Variants in CLYBL observed in about 807,000 individuals in gnomAD.
CLYBL encodes the protein citramalyl-CoA lyase, mitochondrial.
In CLYBL, 31 loss-of-function variants were observed where a neutral mutation model predicts 38.9. That is an observed-to-expected ratio of 0.80 (90% CI 0.60 to 1.08). CLYBL has a LOEUF of 1.08. CLYBL is among the 50% of genes least tolerant of loss of function. CLYBL has a pLI of 0.00. For synonymous variants in CLYBL, 171 were observed against 158.6 expected, an observed-to-expected ratio of 1.08 and a Z score of -0.59; for missense variants, 434 against 411.6, an observed-to-expected ratio of 1.05 and a Z score of -0.47.
intron 2 of CLYBL, among the ~76,000 whole-genome samples, chr13:99,802,077 T>A (rs1460151584): frequency 6.6e-6 from 1 of 152,144 alleles, no homozygotes; most frequent in Non-Finnish European, 1.5e-5. Context: ...TTTTTTTTAG[T>A]CCCTTTGGGC....
intron 2 of CLYBL, among the ~76,000 whole-genome samples, chr13:99,850,200 G>A (rs1488610517): frequency 1.3e-5 from 2 of 152,162 alleles, no homozygotes; most frequent in Admixed American, 6.5e-5. Flanking sequence ...TCAAGAAAAT[G>A]AAAAGATAGC....
chr13:99,643,025 A>G (rs577171163), intron 1 of CLYBL: 1 of 153,980 alleles, frequency 6.5e-6, no homozygotes, highest in Admixed American at 6.5e-5. Context: ...GGCCTGCATG[A>G]GGACTTTACT....
At position 99,758,057 on chromosome 13, in the gene CLYBL, C is replaced by T. The variant is rs536503429; in HGVS notation, c.63-14767C>T. Among the ~76,000 whole-genome samples, 46 of 152,340 alleles carry T rather than the reference C, an allele frequency of 3.0e-4. 1 individual carries two copies. Among genetic ancestry groups the T allele is most frequent in the Middle Eastern group, 6.8e-3 (2 of 294 alleles). ...GAGCAATGGTGCTGACCTGCAGCAACAGCTCACTTAAGTGGCAAGGACCTA... is the reference window on the plus strand; with the variant it reads ...GAGCAATGGTGCTGACCTGCAGCAATAGCTCACTTAAGTGGCAAGGACCTA... On this transcript the variant is annotated intron_variant, in intron 1 of 8. Coordinates refer to ENST00000339105, the MANE Select transcript of CLYBL (RefSeq NM_206808.5).
chr13:99,607,971 T>TG (rs750877780), intron 1 of CLYBL, among the ~76,000 whole-genome samples: 3 of 151,814 alleles, frequency 2.0e-5, no homozygotes, highest in Non-Finnish European at 4.4e-5. Context: ...CTCGAACTCC[T>TG]GACCTCAAGG....
intron 1 of CLYBL, among the ~76,000 whole-genome samples, chr13:99,715,103 C>T (rs1260114321): frequency 1.3e-5 from 2 of 152,186 alleles, no homozygotes; most frequent in Admixed American, 6.5e-5. Flanking sequence ...TAGGCTTGTT[C>T]TCCTGGGCTC....
intron 6 of CLYBL, among the ~76,000 whole-genome samples, chr13:99,866,664 A>G: frequency 6.9e-6 from 1 of 144,268 alleles, no homozygotes; most frequent in East Asian, 2.1e-4. Flanking sequence ...CCATCCTCTT[A>G]ATCATTTTGT....
chr13:99,697,073 T>C (rs1188385343), intron 1 of CLYBL, among the ~76,000 whole-genome samples: 1 of 152,172 alleles, frequency 6.6e-6, no homozygotes, highest in African/African-American at 2.4e-5. Flanking sequence ...CCTCTTAGCT[T>C]CTTTATTATT....
At chr13:99,893,611 A>G (rs1478260922), downstream of CLYBL, 1 of 152,392 alleles carries the variant, frequency 6.6e-6, no homozygotes, top group Non-Finnish European at 1.5e-5. Context: ...AGCCTAATCC[A>G]AAGAAGCCCT....
At chr13:99,708,954 G>C (rs765174890) in intron 1 of CLYBL, among the ~76,000 whole-genome samples, 8 of 151,980 alleles carry the variant, frequency 5.3e-5, no homozygotes, top group Non-Finnish European at 1.0e-4. Flanking sequence ...TTAGCCGGGC[G>C]TGGTGGCAGG....
intron 7 of CLYBL, chr13:99,877,483 T>C: frequency 3.3e-6 from 1 of 305,848 alleles, no homozygotes; most frequent in Admixed American, 4.7e-5. Context: ...CCTCACCTTC[T>C]TTCCTGTAGC....
chr13:99,900,747 G>T (rs1248230511), downstream of CLYBL, among the ~76,000 whole-genome samples: 2 of 152,134 alleles, frequency 1.3e-5, no homozygotes, highest in Admixed American at 6.5e-5. Flanking sequence ...GTTCATCAGT[G>T]CTGCAGGGTG....
At chr13:99,660,710 C>T (rs2047396661) in intron 1 of CLYBL, among the ~76,000 whole-genome samples, 1 of 152,084 alleles carries the variant, frequency 6.6e-6, no homozygotes, top group African/African-American at 2.4e-5. Context: ...GCTATGTATC[C>T]CGTCTACATA....
intron 1 of CLYBL, among the ~76,000 whole-genome samples, chr13:99,664,560 A>G (rs1870588839): frequency 6.6e-6 from 1 of 152,254 alleles, no homozygotes; most frequent in African/African-American, 2.4e-5. Context: ...ACTTTTATAA[A>G]CACTATTACA....
chr13:99,685,485 AC>A, intron 1 of CLYBL, among the ~76,000 whole-genome samples: 1 of 152,336 alleles, frequency 6.6e-6, no homozygotes, highest in East Asian at 1.9e-4. Flanking sequence ...AACTTGACTG[AC>A]AAAGTTTCAC....
intron 2 of CLYBL, among the ~76,000 whole-genome samples, chr13:99,799,694 C>T (rs1251525812): frequency 6.6e-6 from 1 of 152,198 alleles, no homozygotes; most frequent in Non-Finnish European, 1.5e-5. Context: ...AAGGGTGTGT[C>T]TACATGGCAG....
chr13:99,636,047 A>G (rs2047013714), intron 1 of CLYBL, among the ~76,000 whole-genome samples: 1 of 152,044 alleles, frequency 6.6e-6, no homozygotes, highest in South Asian at 2.1e-4. Context: ...TCAACTTTTA[A>G]TGAGTTTGAA....
intron 1 of CLYBL, among the ~76,000 whole-genome samples, chr13:99,671,938 T>C (rs1276239332): frequency 6.6e-6 from 1 of 152,146 alleles, no homozygotes; most frequent in African/African-American, 2.4e-5. Context: ...ACAGTCCCCT[T>C]CTCACATCCT....
intron 1 of CLYBL, among the ~76,000 whole-genome samples, chr13:99,645,207 T>C (rs1419889761): frequency 6.6e-6 from 1 of 152,112 alleles, no homozygotes; most frequent in African/African-American, 2.4e-5. Context: ...TAGATAAAAG[T>C]CATTTTAGGC....
intron 1 of CLYBL, among the ~76,000 whole-genome samples, chr13:99,723,344 A>G (rs960810114): frequency 6.6e-6 from 1 of 152,266 alleles, no homozygotes; most frequent in African/African-American, 2.4e-5. Context: ...AAACAGAAAC[A>G]TCAAAAGGTA....
Sources: gnomAD v4.1 joint callset for allele counts (sites outside exome capture counted in the v4.1 genomes callset) on GRCh38, gnomAD v4.1.1 for gene constraint, MANE v1.5 for transcripts, NCBI Gene and HGNC (gene_info 2026-07-23, HGNC 2026-07-21) for gene names.